Variants in UGP2 observed in about 807,000 individuals in gnomAD.
UGP2 encodes UDP-glucose pyrophosphorylase 2.
Under a neutral mutation model 49.0 loss-of-function variants are expected in UGP2, and 40 were observed. That is an observed-to-expected ratio of 0.82 (90% confidence interval 0.63 to 1.06). The LOEUF (loss-of-function observed/expected upper bound fraction) is 1.06, where lower values mean the gene tolerates loss of function less well. Among genes scored for constraint, UGP2 ranks in the 50% least tolerant of loss-of-function variants. The pLI, the probability that UGP2 is intolerant of heterozygous loss-of-function variation, is 0.00. For synonymous variants in UGP2, 225 were observed against 213.0 expected (o/e 1.06, Z -0.49); for missense variants, 460 against 603.5 (o/e 0.76, Z 2.49).
At position 63,842,174 on chromosome 2, in the gene UGP2, T is replaced by A. The variant is rs779223932; in HGVS notation, c.-12T>A. 5.7e-6 allele frequency: 9 copies of A among 1,583,014 alleles called. No individual in the cohort carries two copies. Among genetic ancestry groups the A allele is most frequent in the Non-Finnish European group, 7.7e-6 (9 of 1,171,770 alleles). On this transcript the variant is annotated 5_prime_UTR_variant, in exon 1 of 10. Coordinates refer to ENST00000337130, the MANE Select transcript of UGP2 (RefSeq NM_006759.4). ...AAAAAAAAAAGCCGGAGTATTTTAC[T>A]AAGCCCCTAAAATGTCGAGATTTGT...
chr2:63,852,759 T>C (rs1465112294), intron 1 of UGP2, among the ~76,000 whole-genome samples: 1 of 152,116 alleles, frequency 6.6e-6, no homozygotes, highest in African/African-American at 2.4e-5. Context: ...ACAGCAATCA[T>C]TTAAGAAGTT....
In UGP2 at chr2:63,891,236, A is replaced by G. The variant is rs758221416; in HGVS notation, c.*9A>G. The stretch of plus-strand genomic sequence containing the variant: ...GCATCTTGGACCACTGAAATGAAAA[A>G]TACTGTGGACACTTAAATAATGGGC... On this transcript the variant is annotated 3_prime_UTR_variant, in exon 10 of 10. Coordinates refer to ENST00000337130, the MANE Select transcript of UGP2 (RefSeq NM_006759.4). 2 of 1,602,130 alleles carry G rather than the reference A, an allele frequency of 1.2e-6. No individual in the cohort carries two copies. The highest frequency in any genetic ancestry group is 1.1e-5 in the South Asian group (1 of 90,512).
intron 1 of UGP2, among the ~76,000 whole-genome samples, chr2:63,842,833 A>G (rs1314126440): frequency 6.6e-6 from 1 of 152,182 alleles, no homozygotes; most frequent in African/African-American, 2.4e-5. Flanking sequence ...ACTGCTCTCT[A>G]AATTCCACAT....
rs1463983336 is a variant in UGP2 at position 63,856,395 on chromosome 2, G to C, written c.109G>C (p.Glu37Gln). 3 of 1,613,174 alleles carry C rather than the reference G, an allele frequency of 1.9e-6. No homozygotes were observed. Among genetic ancestry groups the C allele is most frequent in the Non-Finnish European group, 1.7e-6 (2 of 1,179,982 alleles). Reference protein sequence around the residue: ...ELELSVKKELEKILTTASSHE... With the variant: ...ELELSVKKELQKILTTASSHE... ...AGAATTATCTGTGAAGAAGGAACTA[G>C]AAAAAATACTCACCACAGCATCATC... is the stretch of plus-strand genomic sequence containing the variant. Residue 37 changes from glutamate to glutamine, a missense_variant, in exon 2 of 10, where the codon GAA becomes CAA. This residue lies in a region of UGP2 where 143 missense variants were observed against 130.4 expected (regional missense o/e 1.10). Transcript: ENST00000337130.
chr2:63,850,226 A>C (rs1479929169), intron 1 of UGP2, among the ~76,000 whole-genome samples: 1 of 152,216 alleles, frequency 6.6e-6, no homozygotes, highest in Admixed American at 6.5e-5. Flanking sequence ...AAAGCAATGC[A>C]TGATTAGCAA....
intron 3 of UGP2, among the ~76,000 whole-genome samples, chr2:63,863,412 T>A (rs1273137898): frequency 6.6e-6 from 1 of 152,174 alleles, no homozygotes; most frequent in African/African-American, 2.4e-5. Context: ...TTTCCAGGTT[T>A]AAAGTGCACA....
At chr2:63,849,794 C>T (rs1668920428) in intron 1 of UGP2, among the ~76,000 whole-genome samples, 2 of 152,142 alleles carry the variant, frequency 1.3e-5, no homozygotes, top group South Asian at 2.1e-4. Context: ...GGCATTGTGT[C>T]CTTAGGCAAG....
At chr2:63,842,804 G>C (rs569266387) in intron 1 of UGP2, among the ~76,000 whole-genome samples, 2 of 152,164 alleles carry the variant, frequency 1.3e-5, no homozygotes, top group Non-Finnish European at 2.9e-5. Flanking sequence ...GATGATTAAG[G>C]TTCCTTTGAA....
chr2:63,888,840 T>G (rs1163396585), intron 8 of UGP2: 1 of 152,204 alleles, frequency 6.6e-6, no homozygotes, highest in Non-Finnish European at 1.5e-5. Flanking sequence ...CAGCACTATC[T>G]GTGGACCTGC....
chr2:63,877,445 C>T (rs1026747347), intron 3 of UGP2, among the ~76,000 whole-genome samples: 16 of 152,184 alleles, frequency 1.1e-4, no homozygotes, highest in Admixed American at 1.0e-3. Flanking sequence ...TTGTGCATGT[C>T]GACGGATAAT....
intron 3 of UGP2, among the ~76,000 whole-genome samples, chr2:63,865,095 C>G (rs772816634): frequency 6.6e-6 from 1 of 152,190 alleles, no homozygotes; most frequent in African/African-American, 2.4e-5. Flanking sequence ...GTGAGGCTGT[C>G]GAAGTCTCCT....
intron 1 of UGP2, chr2:63,854,928 A>G (rs975681782): frequency 6.6e-6 from 1 of 152,462 alleles, no homozygotes; most frequent in Admixed American, 6.5e-5. Context: ...AGCACATGCA[A>G]TATTAAATGT....
intron 3 of UGP2, among the ~76,000 whole-genome samples, chr2:63,878,679 G>GCCT (rs1372326456): frequency 1.3e-5 from 2 of 152,248 alleles, no homozygotes; most frequent in East Asian, 3.9e-4. Flanking sequence ...TCCCACTCCA[G>GCCT]CCTCCCATTG....
chr2:63,880,321 G>A (rs1244587210), intron 3 of UGP2, among the ~76,000 whole-genome samples: 1 of 151,988 alleles, frequency 6.6e-6, no homozygotes, highest in East Asian at 1.9e-4. Context: ...CTACAGGCAT[G>A]CACCACCATG....
chr2:63,856,570 T>A (rs1005536711), intron 2 of UGP2, 137 bp downstream of exon 2: 17 of 967,694 alleles, frequency 1.8e-5, no homozygotes, highest in Non-Finnish European at 2.1e-5. Flanking sequence ...ACAAAAAAAT[T>A]AGAATTGCTT....
chr2:63,866,522 G>C (rs1382031734), intron 3 of UGP2, among the ~76,000 whole-genome samples: 2 of 152,260 alleles, frequency 1.3e-5, no homozygotes, highest in East Asian at 3.9e-4. Context: ...TTAGAGCTGA[G>C]ACTTGAAGTA....
At chr2:63,858,313 C>T (rs997594202) in intron 3 of UGP2, among the ~76,000 whole-genome samples, 1 of 152,122 alleles carries the variant, frequency 6.6e-6, no homozygotes, top group Non-Finnish European at 1.5e-5. Flanking sequence ...TTAGCCAGAC[C>T]TTAAAGCTCT....
At chr2:63,856,792 T>C (rs1456596561) in intron 2 of UGP2, 3 of 461,794 alleles carry the variant, frequency 6.5e-6, no homozygotes, top group Non-Finnish European at 1.3e-5. Flanking sequence ...TTCCAGAGAG[T>C]CACTTCTGAT....
intron 3 of UGP2, among the ~76,000 whole-genome samples, chr2:63,862,169 G>C (rs1575820568): frequency 6.6e-6 from 1 of 152,114 alleles, no homozygotes; most frequent in East Asian, 1.9e-4. Flanking sequence ...TTAGAGACTT[G>C]TTTTGTGTGT....
Sources: gnomAD v4.1 joint callset for allele counts (sites outside exome capture counted in the v4.1 genomes callset) on GRCh38, gnomAD v4.1.1 for gene constraint, gnomAD v4.1.1 regional missense constraint, MANE v1.5 for transcripts, NCBI Gene and HGNC (gene_info 2026-07-23, HGNC 2026-07-21) for gene names.